SHC4: variants seen among roughly 807,000 people sequenced by gnomAD.
The protein encoded by SHC4 is SHC adaptor protein 4.
In SHC4, 41 loss-of-function variants were observed where a neutral mutation model predicts 69.4. That is an observed-to-expected ratio of 0.59 (90% CI 0.46 to 0.77). SHC4 has a LOEUF of 0.77. Among genes scored for constraint, SHC4 ranks in the 30% least tolerant of loss-of-function variants. The pLI is 0.00. For missense variants in SHC4, 777 were observed against 783.8 expected, an observed-to-expected ratio of 0.99 and a Z score of 0.10; for synonymous variants, 318 against 299.3, an observed-to-expected ratio of 1.06 and a Z score of -0.64.
In SHC4 at chr15:48,832,472, T is replaced by C. The variant is rs11070656; in HGVS notation, c.1737+2297A>G. On this transcript the variant is annotated intron_variant, in intron 11 of 11. Coordinates refer to ENST00000332408, the MANE Select transcript of SHC4 (RefSeq NM_203349.4). Reference sequence around the variant, plus strand: ...CTCTTGCTGCTTTCAAAATTCTCTGTTTTTGACATTTTGATTATAATGTAT... The same window carrying C: ...CTCTTGCTGCTTTCAAAATTCTCTGCTTTTGACATTTTGATTATAATGTAT... Among the ~76,000 whole-genome samples, 422 of 152,294 alleles carry C rather than the reference T, an allele frequency of 2.8e-3. 3 individuals are homozygous for C. The highest frequency in any genetic ancestry group is 9.7e-3 in the African/African-American group (403 of 41,562).
Position 48,824,604 on chromosome 15 carries a change from T to C in SHC4, c.*1367A>G, listed in dbSNP as rs1898651621. 1 of 152,194 alleles carries C rather than the reference T, an allele frequency of 6.6e-6. No individual in the cohort carries two copies. Among genetic ancestry groups the C allele is most frequent in the South Asian group, 2.1e-4 (1 of 4,828 alleles). The allele number at this position is 152,194 out of a possible 1,614,324, so 9.4% of individuals were successfully genotyped here. ...AGGTGTGCCATTCATTCTGTGAGTATGGACACAGACTATAGAAGAAAAGCT... is the reference window on the plus strand; with the variant it reads ...AGGTGTGCCATTCATTCTGTGAGTACGGACACAGACTATAGAAGAAAAGCT... On this transcript the variant is annotated 3_prime_UTR_variant, in exon 12 of 12. Coordinates refer to ENST00000332408, the MANE Select transcript of SHC4 (RefSeq NM_203349.4).
intron 1 of SHC4, among the ~76,000 whole-genome samples, chr15:48,931,757 A>G (rs1900969929): frequency 6.6e-6 from 1 of 152,138 alleles, no homozygotes; most frequent in Non-Finnish European, 1.5e-5. Context: ...CCCCTTTGTT[A>G]TCTCCTCAGT....
chr15:48,850,414 T>C (rs1317526852), intron 9 of SHC4, among the ~76,000 whole-genome samples: 1 of 152,014 alleles, frequency 6.6e-6, no homozygotes, highest in African/African-American at 2.4e-5. Flanking sequence ...TAAAAAAGTA[T>C]CCTTGGAAGT....
chr15:48,889,605 T>G (rs933008139), intron 3 of SHC4, among the ~76,000 whole-genome samples: 2 of 152,262 alleles, frequency 1.3e-5, no homozygotes, highest in African/African-American at 4.8e-5. Flanking sequence ...AGCACTTTGG[T>G]AGGCCGAGGC....
Position 48,825,836 on chromosome 15 carries a change from G to T in SHC4, c.*135C>A. 1.9e-6 allele frequency: 2 copies of T among 1,045,156 alleles called. No homozygotes were observed. The highest frequency in any genetic ancestry group is 1.4e-6 in the Non-Finnish European group (1 of 729,062). The allele number at this position is 1,045,156 out of a possible 1,614,324, so 64.7% of individuals were successfully genotyped here. A position where few individuals can be genotyped will look rare whatever the true frequency, so the allele number is the denominator to read the frequency against. On this transcript the variant is annotated 3_prime_UTR_variant, in exon 12 of 12. Coordinates refer to ENST00000332408, the MANE Select transcript of SHC4 (RefSeq NM_203349.4). ...AGTTCTTCATTTTATAGAGGACCTG[G>T]TCCATGATGGTCTTGGAAAGATGCA...
intron 2 of SHC4, among the ~76,000 whole-genome samples, chr15:48,923,815 TA>T (rs1273233109): frequency 1.3e-5 from 2 of 151,860 alleles, no homozygotes; most frequent in Non-Finnish European, 2.9e-5. Flanking sequence ...ATGTTCTTTT[TA>T]CTTTTGTAGA....
At chr15:48,943,820 TTGATTTGCATTTCCCTGA>T (rs1201228175) in intron 1 of SHC4, among the ~76,000 whole-genome samples, 1 of 152,144 alleles carries the variant, frequency 6.6e-6, no homozygotes, top group Non-Finnish European at 1.5e-5. Flanking sequence ...CCATATAGTT[TTGATTTGCATTTCCCTGA>T]TGATCAGTAA....
intron 2 of SHC4, among the ~76,000 whole-genome samples, chr15:48,905,271 A>T (rs1332820885): frequency 1.3e-5 from 2 of 152,184 alleles, no homozygotes. Context: ...TTCCAGCTCC[A>T]GGGACTGGGC....
intron 11 of SHC4, among the ~76,000 whole-genome samples, chr15:48,829,987 T>C (rs1258812903): frequency 6.6e-6 from 1 of 152,246 alleles, no homozygotes; most frequent in African/African-American, 2.4e-5. Context: ...TGTTTTTTTT[T>C]AATCAATTCA....
chr15:48,896,225 TCC>T (rs1900217913), intron 2 of SHC4, among the ~76,000 whole-genome samples: 1 of 149,738 alleles, frequency 6.7e-6, no homozygotes, highest in South Asian at 2.1e-4. Context: ...TCTCTCTCTC[TCC>T]CTCCCTCCCT....
chr15:48,875,048 T>C (rs1423159062), intron 4 of SHC4, among the ~76,000 whole-genome samples: 1 of 152,194 alleles, frequency 6.6e-6, no homozygotes, highest in Non-Finnish European at 1.5e-5. Flanking sequence ...GATCCAGTGA[T>C]GAGACTGCAG....
intron 4 of SHC4, among the ~76,000 whole-genome samples, chr15:48,882,630 A>G (rs757185271): frequency 2.6e-5 from 4 of 152,158 alleles, no homozygotes; most frequent in Non-Finnish European, 4.4e-5. Context: ...AGAAAGGGCC[A>G]TCTTAAAAAA....
intron 1 of SHC4, among the ~76,000 whole-genome samples, chr15:48,932,143 A>G (rs2141028742): frequency 6.6e-6 from 1 of 152,188 alleles, no homozygotes; most frequent in East Asian, 1.9e-4. Context: ...CCAGCACATT[A>G]CTAAAACACA....
chr15:48,938,929 C>T (rs1049960614), intron 1 of SHC4, among the ~76,000 whole-genome samples: 1 of 152,158 alleles, frequency 6.6e-6, no homozygotes, highest in Non-Finnish European at 1.5e-5. Context: ...GGCTGTGAAA[C>T]CTTGGACAAA....
At chr15:48,945,240 C>G (rs190375464) in intron 1 of SHC4, among the ~76,000 whole-genome samples, 76 of 152,104 alleles carry the variant, frequency 5.0e-4, no homozygotes, top group South Asian at 4.2e-3. Flanking sequence ...TCAAAAAGCT[C>G]AACCACTTGG....
At chr15:48,949,363 T>A (rs1595767762) in intron 1 of SHC4, among the ~76,000 whole-genome samples, 1 of 137,288 alleles carries the variant, frequency 7.3e-6, no homozygotes, top group African/African-American at 2.8e-5. Flanking sequence ...AGAGTGAGAC[T>A]CCGTCTCAAA....
chr15:48,924,471 C>T (rs1242584409), intron 2 of SHC4, among the ~76,000 whole-genome samples: 1 of 152,186 alleles, frequency 6.6e-6, no homozygotes, highest in South Asian at 2.1e-4. Context: ...AAGGAGTAAG[C>T]AGTTTCTCAC....
intron 2 of SHC4, among the ~76,000 whole-genome samples, chr15:48,915,087 G>A (rs1277639412): frequency 1.3e-5 from 2 of 152,134 alleles, no homozygotes; most frequent in African/African-American, 4.8e-5. Context: ...TGAGTAATAG[G>A]AGTTCTTTAC....
chr15:48,963,657 G>A lies in SHC4; in HGVS notation c.-642C>T, dbSNP rs1475476099. Among the ~76,000 whole-genome samples, 2 of 152,174 alleles carry A rather than the reference G, an allele frequency of 1.3e-5. No individual in the cohort carries two copies. The highest frequency in any genetic ancestry group is 3.9e-4 in the East Asian group (2 of 5,192). On this transcript the variant is annotated 5_prime_UTR_variant, in exon 1 of 12. Coordinates refer to ENST00000332408, the MANE Select transcript of SHC4 (RefSeq NM_203349.4). ...TCTTGCATCCCGTTCTGGGCCACCA[G>A]CCAGGAGTACTACTGACGGGCGCTG...
Sources: allele counts gnomAD v4.1 joint callset (sites outside exome capture counted in the v4.1 genomes callset), GRCh38; gene constraint gnomAD v4.1.1; transcripts MANE v1.5; gene names NCBI Gene and HGNC (gene_info 2026-07-23, HGNC 2026-07-21).